Variants in PRKD1 observed in about 807,000 individuals in gnomAD.
PRKD1 encodes serine/threonine-protein kinase D1.
In PRKD1, 63 loss-of-function variants were observed where a neutral mutation model predicts 95.9. That is an observed-to-expected ratio of 0.66 (90% CI 0.54 to 0.81). The LOEUF (loss-of-function observed/expected upper bound fraction) is 0.81. PRKD1 is among the 30% of genes least tolerant of loss of function. The probability of loss-of-function intolerance (pLI) is 0.00; values close to 1 mark genes in which losing one functional copy is unlikely to be tolerated. For missense variants in PRKD1, 1,048 were observed against 1,165.3 expected, an observed-to-expected ratio of 0.90 and a Z score of 1.47; for synonymous variants, 425 against 423.1, an observed-to-expected ratio of 1.00 and a Z score of -0.05.
chr14:29,886,932 G>A (rs1322767492), intron 1 of PRKD1, among the ~76,000 whole-genome samples: 2 of 152,136 alleles, frequency 1.3e-5, no homozygotes, highest in African/African-American at 4.8e-5. Context: ...TTGATGGTAG[G>A]TGCTGTCATT....
At chr14:29,862,090 C>A (rs1892730932) in intron 1 of PRKD1, among the ~76,000 whole-genome samples, 1 of 152,136 alleles carries the variant, frequency 6.6e-6, no homozygotes, top group African/African-American at 2.4e-5. Flanking sequence ...GGTTCAATTG[C>A]TTTGATTTTT....
At chr14:29,733,231 T>C (rs1436488333) in intron 1 of PRKD1, among the ~76,000 whole-genome samples, 1 of 151,822 alleles carries the variant, frequency 6.6e-6, no homozygotes, top group Non-Finnish European at 1.5e-5. Flanking sequence ...GCCTTCCAAG[T>C]AGCTGAGACT....
intron 13 of PRKD1, among the ~76,000 whole-genome samples, chr14:29,600,367 A>G (rs932490790): frequency 6.6e-6 from 1 of 152,188 alleles, no homozygotes; most frequent in Admixed American, 6.5e-5. Flanking sequence ...AAAAAAAGTG[A>G]GCCTGTGCTT....
chr14:29,901,773 TACTC>T (rs894777264), intron 1 of PRKD1, among the ~76,000 whole-genome samples: 7 of 152,154 alleles, frequency 4.6e-5, no homozygotes, highest in Admixed American at 3.9e-4. Flanking sequence ...TTTTCAAAAA[TACTC>T]ACTCAAGCCG....
chr14:29,794,581 T>C (rs1889724824), intron 1 of PRKD1, among the ~76,000 whole-genome samples: 1 of 152,156 alleles, frequency 6.6e-6, no homozygotes, highest in Non-Finnish European at 1.5e-5. Flanking sequence ...ACTGAGTTTC[T>C]ATCTGACTTC....
chr14:29,788,008 C>T (rs539393244), intron 1 of PRKD1, among the ~76,000 whole-genome samples: 2 of 152,162 alleles, frequency 1.3e-5, no homozygotes, highest in South Asian at 2.1e-4. Context: ...ATCTGCAATA[C>T]CAGTGAGTTG....
At chr14:29,877,936 A>T (rs7153487) in intron 1 of PRKD1, among the ~76,000 whole-genome samples, 59,875 of 152,058 alleles carry the variant, frequency 0.39, 12,273 homozygotes, top group African/African-American at 0.51. Context: ...GAGGAACATG[A>T]GGTACATATA....
chr14:29,653,097 T>G (rs143591889), intron 4 of PRKD1, among the ~76,000 whole-genome samples: 190 of 152,326 alleles, frequency 1.2e-3, no homozygotes, highest in African/African-American at 4.3e-3. Context: ...ATCCGTGTCT[T>G]CATTACATGT....
At chr14:29,859,901 C>T (rs946556482) in intron 1 of PRKD1, among the ~76,000 whole-genome samples, 1 of 152,122 alleles carries the variant, frequency 6.6e-6, no homozygotes, top group African/African-American at 2.4e-5. Context: ...TAAGATATTT[C>T]TTTAAAAACA....
rs769582246 is a variant in PRKD1, at chr14:29,666,222, G to T, written c.404-14C>A. ...AGGTGGCGGAAGCTGTAAAAATAGT[G>T]ATGTTGAAAAGTAAGTTGAATAGGC... On this transcript the variant is annotated splice_polypyrimidine_tract_variant and intron_variant, in intron 2 of 17. Transcript: ENST00000331968. 2.5e-6 allele frequency: 4 copies of T among 1,579,530 alleles called. No homozygotes were observed. The highest frequency in any genetic ancestry group is 1.7e-5 in the Admixed American group (1 of 59,544).
chr14:29,838,152 C>T (rs1891683497), intron 1 of PRKD1, among the ~76,000 whole-genome samples: 1 of 152,030 alleles, frequency 6.6e-6, no homozygotes, highest in Non-Finnish European at 1.5e-5. Context: ...TTTATAATAC[C>T]TTTAGATAGG....
At chr14:29,577,983 G>A (rs1892617200) in intron 17 of PRKD1, among the ~76,000 whole-genome samples, 1 of 151,956 alleles carries the variant, frequency 6.6e-6, no homozygotes, top group Non-Finnish European at 1.5e-5. Flanking sequence ...TCTGAGGTCT[G>A]TTATGATCCT....
At chr14:29,848,694 A>C (rs1452800530) in intron 1 of PRKD1, among the ~76,000 whole-genome samples, 1 of 152,192 alleles carries the variant, frequency 6.6e-6, no homozygotes, top group Non-Finnish European at 1.5e-5. Flanking sequence ...ATACAAAGAA[A>C]CAGAAAACTA....
Position 29,628,986 on chromosome 14 carries a change from T to C in PRKD1, c.1725+55A>G, listed in dbSNP as rs1594375999. The C allele has an allele frequency of 8.8e-6, 11 of 1,255,878 alleles. No individual in the cohort carries two copies. In the East Asian group the frequency reaches 2.7e-4, roughly 31 times the overall value. The allele number at this position is 1,255,878 out of a possible 1,614,324, so 77.8% of individuals were successfully genotyped here. ...AATTAAAAAAACTATTTTATGATGC[T>C]TTTATTTTCCAGTAATCACATTAGC... On this transcript the variant is annotated intron_variant, in intron 11 of 17. Transcript: ENST00000331968.
At chr14:29,651,374 G>T (rs1158872682) in intron 4 of PRKD1, among the ~76,000 whole-genome samples, 7 of 152,170 alleles carry the variant, frequency 4.6e-5, no homozygotes. Context: ...CCCTGACATT[G>T]TCTCATCTTA....
intron 1 of PRKD1, among the ~76,000 whole-genome samples, chr14:29,766,484 TG>T (rs1888262495): frequency 6.6e-6 from 1 of 152,230 alleles, no homozygotes; most frequent in African/African-American, 2.4e-5. Flanking sequence ...ACGTCAACTG[TG>T]GCTTTGTTTT....
rs565073517 is a variant in PRKD1, at chr14:29,772,577, A to G, written c.265-46903T>C. ...GTGTATGAGTATACATTTTTCTTCC[A>G]TTATCTGAAATGTTCTTGATACCTA... On this transcript the variant is annotated intron_variant, in intron 1 of 17. Transcript: ENST00000331968. Among the ~76,000 whole-genome samples, 18 of 152,224 alleles carry G rather than the reference A, an allele frequency of 1.2e-4. No individual in the cohort carries two copies. In the South Asian group the frequency reaches 3.7e-3, roughly 32 times the overall value.
chr14:29,613,334 T>C (rs1878613331), intron 13 of PRKD1, among the ~76,000 whole-genome samples: 1 of 152,222 alleles, frequency 6.6e-6, no homozygotes, highest in Non-Finnish European at 1.5e-5. Context: ...AACATTATTC[T>C]CTGGTTTTCT....
At chr14:29,820,475 A>T (rs77507467) in intron 1 of PRKD1, among the ~76,000 whole-genome samples, 1 of 152,218 alleles carries the variant, frequency 6.6e-6, no homozygotes, top group Non-Finnish European at 1.5e-5. Context: ...ACTCCGTGTC[A>T]GAGAAAAGAA....
Sources: allele counts gnomAD v4.1 joint callset (sites outside exome capture counted in the v4.1 genomes callset), GRCh38; gene constraint gnomAD v4.1.1; transcripts MANE v1.5; gene names NCBI Gene and HGNC (gene_info 2026-07-23, HGNC 2026-07-21).